VWF: variants seen among roughly 807,000 people sequenced by gnomAD.
The protein encoded by VWF is Factor VIII related antigen.
Under a neutral mutation model 308.6 loss-of-function variants are expected in VWF, and 176 were observed. The ratio of observed to expected loss-of-function variants is 0.57; its 90% CI spans 0.50 to 0.65. VWF has a LOEUF of 0.65. VWF is among the 30% of genes least tolerant of loss of function. VWF has a pLI of 0.00. For missense variants in VWF, 3,146 were observed against 3,648.2 expected (o/e 0.86, Z 3.55); for synonymous variants, 1,385 against 1,443.4 (o/e 0.96, Z 0.92).
intron 47 of VWF, among the ~76,000 whole-genome samples, chr12:5,962,535 A>ATTTT (rs1565810332): frequency 3.0e-5 from 4 of 131,724 alleles, no homozygotes; most frequent in South Asian, 2.6e-4. Context: ...TACACAGGCA[A>ATTTT]TTCTTTTTTT....
At chr12:5,952,282 T>C (rs1943200275) in intron 49 of VWF, 109 bp downstream of exon 49, 1 of 1,457,000 alleles carries the variant, frequency 6.9e-7, no homozygotes, top group Non-Finnish European at 9.6e-7. Flanking sequence ...AGGCCAGAGA[T>C]GTGCCTCAGA....
At chr12:5,991,058 G>C (rs113463454) in intron 38 of VWF, among the ~76,000 whole-genome samples, 289 of 151,232 alleles carry the variant, frequency 1.9e-3, no homozygotes, top group African/African-American at 6.3e-3. Context: ...TGTTTCCATG[G>C]GTAACTTACT....
intron 6 of VWF, among the ~76,000 whole-genome samples, chr12:6,081,540 A>G (rs1281860278): frequency 2.6e-5 from 4 of 152,072 alleles, no homozygotes; most frequent in Admixed American, 6.5e-5. Context: ...GAGTTTCACC[A>G]TGTTGGCCAG....
intron 47 of VWF, among the ~76,000 whole-genome samples, chr12:5,966,233 C>T (rs903547033): frequency 6.6e-6 from 1 of 151,976 alleles, no homozygotes; most frequent in Non-Finnish European, 1.5e-5. Flanking sequence ...TTGTTTCGTT[C>T]CATATGGAAG....
chr12:5,976,210 C>G lies in VWF; in HGVS notation c.7338G>C (p.Glu2446Asp). The G allele has an allele frequency of 6.2e-7, 1 of 1,614,148 alleles. No individual in the cohort carries two copies. Among genetic ancestry groups the G allele is most frequent in the South Asian group, 1.1e-5 (1 of 91,084 alleles). Residue 2446 changes from glutamate to aspartate, a missense_variant, in exon 43 of 52, where the codon GAG becomes GAC. Transcript: ENST00000261405. ...CGGTGCAGGTGCACACATCGCAGCCCTCCTCCCAGAACTGGCCCACAGGGT... is the reference window on the plus strand; with the variant it reads ...CGGTGCAGGTGCACACATCGCAGCCGTCCTCCCAGAACTGGCCCACAGGGT... Reference protein sequence around the residue: ...TIYPVGQFWEEGCDVCTCTDM... With the variant: ...TIYPVGQFWEDGCDVCTCTDM...
intron 38 of VWF, among the ~76,000 whole-genome samples, chr12:5,987,824 A>G (rs368224761): frequency 6.6e-6 from 1 of 152,324 alleles, no homozygotes; most frequent in African/African-American, 2.4e-5. Context: ...GCAGACCAGT[A>G]GTTGTCTAGG....
chr12:5,982,641 G>C (rs1358715256), intron 41 of VWF, among the ~76,000 whole-genome samples: 1 of 152,210 alleles, frequency 6.6e-6, no homozygotes, highest in Non-Finnish European at 1.5e-5. Flanking sequence ...AACGGAGTTA[G>C]AGTGGGGATT....
rs71064181 is a variant in VWF at position 6,000,811 on chromosome 12, C to CAA, written c.5843-4591_5843-4590dup. On this transcript the variant is annotated intron_variant, in intron 34 of 51. Transcript: ENST00000261405. ...TGAGCCACAGAGCGAGACTCTGTCT[C>CAA]AAAAAAAAAAAAAAAAAAAAAAAGA... Among the ~76,000 whole-genome samples the CAA allele has an allele frequency of 6.8e-3, 475 of 69,370 alleles. 3 individuals are homozygous for CAA. The highest frequency in any genetic ancestry group is 0.019 in the Middle Eastern group (2 of 106). 45.5% of individuals were successfully genotyped at this position (69,370 alleles called of 152,430 possible). A position where few individuals can be genotyped will look rare whatever the true frequency, so the allele number is the denominator to read the frequency against.
chr12:6,108,391 TG>T (rs1945268334), intron 5 of VWF, among the ~76,000 whole-genome samples: 1 of 132,886 alleles, frequency 7.5e-6, no homozygotes, highest in South Asian at 2.4e-4. Context: ...CAGAATTACA[TG>T]AAGAAAGTGA....
chr12:6,073,640 C>A lies in VWF; in HGVS notation c.976G>T (p.Val326Leu). 6.2e-7 allele frequency: 1 copy of A among 1,614,130 alleles called. No individual in the cohort carries two copies. The highest frequency in any genetic ancestry group is 8.5e-7 in the Non-Finnish European group (1 of 1,180,046). Reference protein sequence around the residue: ...HINEMCQERCVDGCSCPEGQL... With the variant: ...HINEMCQERCLDGCSCPEGQL... Reference sequence around the variant, plus strand: ...TTACCAGGGCAGCTGCAGCCATCCACGCATCGCTCCTGACACATTTCATTG... The same window carrying A: ...TTACCAGGGCAGCTGCAGCCATCCAAGCATCGCTCCTGACACATTTCATTG... The change falls in exon 8 of 52, where the codon GTG becomes TTG. Residue 326 changes from valine (V) to leucine (L), a missense_variant. By Grantham distance (32) the Val-to-Leu change is conservative. This residue lies in a region of VWF where 1,304 missense variants were observed against 1,353.0 expected (regional missense o/e 0.96). Coordinates refer to ENST00000261405, the MANE Select transcript of VWF (RefSeq NM_000552.5).
At chr12:6,054,464 T>G (rs555060331) in intron 15 of VWF, among the ~76,000 whole-genome samples, 1 of 152,350 alleles carries the variant, frequency 6.6e-6, no homozygotes, top group African/African-American at 2.4e-5. Flanking sequence ...TTTGTTCTGA[T>G]AGGCTATCTC....
chr12:6,024,537 C>G lies in VWF; in HGVS notation c.3223-750G>C, dbSNP rs1183738034. Among the ~76,000 whole-genome samples, 1 of 152,158 alleles carries G rather than the reference C, an allele frequency of 6.6e-6. No individual in the cohort carries two copies. The highest frequency in any genetic ancestry group is 1.5e-5 in the Non-Finnish European group (1 of 68,042). ...AGTATCCTTTGGAGTCCTCAGAGAC[C>G]GAAAATCACTGCATAGATAGAAAGA... On this transcript the variant is annotated intron_variant, in intron 24 of 51. Transcript: ENST00000261405. This position sits in a 1 kb window ranked among gnomAD's most constrained non-coding sequence, Gnocchi z 4.0.
intron 42 of VWF, among the ~76,000 whole-genome samples, chr12:5,979,303 G>A (rs756249667): frequency 6.6e-6 from 1 of 152,228 alleles, no homozygotes; most frequent in Non-Finnish European, 1.5e-5. Context: ...GATAGAAGTA[G>A]AGAAAAGTCA....
rs751031390 is a variant in VWF at position 6,025,965 on chromosome 12, C to T, written c.3049G>A (p.Asp1017Asn). The change falls in exon 23 of 52, where the codon GAC becomes AAC. Residue 1017 changes from aspartate to asparagine, a missense_variant. Coordinates refer to ENST00000261405, the MANE Select transcript of VWF (RefSeq NM_000552.5). Reference protein sequence around the residue: ...LTSSNLQVEEDPVDFGNSWKV... With the variant: ...LTSSNLQVEENPVDFGNSWKV... ...CAGGAGTTCCCAAAGTCCACAGGGT[C>T]TTCCTCCACTTGGAGGTTGCTGCTG... The T allele has an allele frequency of 3.1e-6, 5 of 1,614,016 alleles. No homozygotes were observed. Among genetic ancestry groups the T allele is most frequent in the Admixed American group, 1.7e-5 (1 of 60,018 alleles).
At chr12:5,986,625 C>G (rs1215758858) in intron 38 of VWF, among the ~76,000 whole-genome samples, 1 of 152,122 alleles carries the variant, frequency 6.6e-6, no homozygotes, top group African/African-American at 2.4e-5. Context: ...AGTGCCCTGC[C>G]CTCCTTCAGG....
chr12:5,983,401 GGATAGATA>G (rs58264371), intron 40 of VWF, 147 bp from the exon 41 acceptor site: 28 of 480,132 alleles, frequency 5.8e-5, no homozygotes, highest in African/African-American at 2.2e-4. Context: ...ACATGGGTTA[GGATAGATA>G]GATAGATAGA....
chr12:6,052,459 C>T, intron 16 of VWF, 84 bp downstream of exon 16: 2 of 1,600,736 alleles, frequency 1.2e-6, no homozygotes, highest in Non-Finnish European at 1.7e-6. Flanking sequence ...GTTTACCCAT[C>T]CATGAAGTAA....
chr12:5,979,494 G>A (rs1179114254), intron 42 of VWF, among the ~76,000 whole-genome samples: 4 of 152,228 alleles, frequency 2.6e-5, no homozygotes, highest in Non-Finnish European at 4.4e-5. Context: ...GCTGACGCCT[G>A]TAATCCCAGC....
intron 34 of VWF, among the ~76,000 whole-genome samples, chr12:6,006,650 G>A (rs1404771343): frequency 2.6e-5 from 4 of 152,028 alleles, no homozygotes; most frequent in Admixed American, 6.6e-5. Flanking sequence ...ATGGTGGCAC[G>A]TGCTTGTAGT....
Sources: allele counts gnomAD v4.1 joint callset (sites outside exome capture counted in the v4.1 genomes callset), GRCh38; gene constraint gnomAD v4.1.1; regional missense constraint gnomAD v4.1.1; non-coding constraint Gnocchi (gnomAD v3.1); transcripts MANE v1.5; gene names NCBI Gene and HGNC (gene_info 2026-07-23, HGNC 2026-07-21).